NINJ2: variants seen among roughly 807,000 people sequenced by gnomAD.
The protein encoded by NINJ2 is ninjurin 2.
In NINJ2, 12 loss-of-function variants were observed where a neutral mutation model predicts 11.7. The ratio of observed to expected loss-of-function variants is 1.02; its 90% CI spans 0.66 to 1.66. The LOEUF (loss-of-function observed/expected upper bound fraction) is 1.66. NINJ2 is among the 40% of genes most tolerant of loss of function. NINJ2 has a pLI of 0.00. For missense variants in NINJ2, 187 were observed against 181.8 expected (o/e 1.03, Z -0.16); for synonymous variants, 93 against 76.8 (o/e 1.21, Z -1.10).
chr12:647,404 C>G (rs1220907768), intron 1 of NINJ2, among the ~76,000 whole-genome samples: 2 of 152,112 alleles, frequency 1.3e-5, no homozygotes, highest in Non-Finnish European at 2.9e-5. Flanking sequence ...GTGGCATGCA[C>G]ATAGTAGCAC....
intron 1 of NINJ2, chr12:643,434 C>T: frequency 1.0e-6 from 1 of 988,126 alleles, no homozygotes; most frequent in South Asian, 4.7e-5. Flanking sequence ...TCCGCCGCGA[C>T]GCGGCTCACA....
intron 1 of NINJ2, chr12:643,821 A>G: frequency 1.3e-5 from 4 of 309,048 alleles, no homozygotes; most frequent in Non-Finnish European, 1.9e-5. Context: ...ATCTTGAGCT[A>G]CCAGCTCATC....
intron 2 of NINJ2, 95 bp downstream of exon 2, chr12:565,855 T>C (rs1565616000): frequency 9.2e-7 from 1 of 1,081,924 alleles, no homozygotes; most frequent in Non-Finnish European, 1.4e-6. Context: ...CAAAGCTGCC[T>C]GTGCCAATGC....
chr12:642,490 A>ATT (rs1948431905), intron 1 of NINJ2, among the ~76,000 whole-genome samples: 1 of 152,142 alleles, frequency 6.6e-6, no homozygotes, highest in Non-Finnish European at 1.5e-5. Flanking sequence ...GGCCTGCCAA[A>ATT]GTGCTGGAAT....
intron 1 of NINJ2, among the ~76,000 whole-genome samples, chr12:600,521 A>G (rs1428190841): frequency 6.6e-6 from 1 of 152,110 alleles, no homozygotes; most frequent in Non-Finnish European, 1.5e-5. Context: ...GAGCCACTGC[A>G]CTCCAGCCTG....
chr12:569,938 G>A (rs1947353988), intron 1 of NINJ2, among the ~76,000 whole-genome samples: 1 of 152,182 alleles, frequency 6.6e-6, no homozygotes. Context: ...GGTGGCGCGC[G>A]CGGTCCAGAG....
chr12:613,570 T>A (rs556273214), intron 1 of NINJ2, among the ~76,000 whole-genome samples: 19 of 149,874 alleles, frequency 1.3e-4, no homozygotes, highest in Middle Eastern at 3.5e-3. Context: ...GATTGCGACA[T>A]TACACTCCAG....
At chr12:616,831 A>AC (rs1271822855) in intron 1 of NINJ2, among the ~76,000 whole-genome samples, 1 of 152,220 alleles carries the variant, frequency 6.6e-6, no homozygotes, top group East Asian at 1.9e-4. Context: ...TAGTTGAACC[A>AC]ATGAAGGATC....
intron 1 of NINJ2, among the ~76,000 whole-genome samples, chr12:571,436 G>A (rs977831160): frequency 5.3e-4 from 81 of 152,070 alleles, no homozygotes; most frequent in African/African-American, 1.9e-3. Context: ...TGATTGGCAT[G>A]GGATGAGGCA....
chr12:570,152 C>A (rs1373010677), intron 1 of NINJ2, among the ~76,000 whole-genome samples: 1 of 152,190 alleles, frequency 6.6e-6, no homozygotes, highest in South Asian at 2.1e-4. Context: ...ATGGAGCCAG[C>A]GTGGGGTGGG....
intron 1 of NINJ2, among the ~76,000 whole-genome samples, chr12:576,706 G>T (rs571727068): frequency 1.3e-5 from 2 of 152,328 alleles, no homozygotes; most frequent in East Asian, 3.9e-4. Flanking sequence ...GCAAGAGGCC[G>T]TTTTGCCAGT....
intron 1 of NINJ2, among the ~76,000 whole-genome samples, chr12:658,646 T>TTATGCTATGCTATGC (rs141722591): frequency 1.1e-4 from 15 of 130,854 alleles, no homozygotes; most frequent in African/African-American, 4.4e-4. Flanking sequence ...AACTTCTCTA[T>TTATGCTATGCTATGC]TATGCTATGC....
chr12:622,996 A>T (rs1948171749), intron 1 of NINJ2, among the ~76,000 whole-genome samples: 1 of 152,136 alleles, frequency 6.6e-6, no homozygotes. Flanking sequence ...AGTCCCATGG[A>T]ACTTGTAATG....
chr12:598,679 T>C (rs545127971), intron 1 of NINJ2, among the ~76,000 whole-genome samples: 1 of 152,240 alleles, frequency 6.6e-6, no homozygotes, highest in Non-Finnish European at 1.5e-5. Context: ...TCCTGTTTAA[T>C]ATTATTTTCT....
intron 1 of NINJ2, among the ~76,000 whole-genome samples, chr12:574,539 TAAA>T (rs11442110): frequency 1.4e-5 from 2 of 143,378 alleles, no homozygotes; most frequent in Non-Finnish European, 1.5e-5. Context: ...ATCTCAGGAT[TAAA>T]AAAAAAAAAA....
intron 1 of NINJ2, among the ~76,000 whole-genome samples, chr12:570,602 GGAGCA>G (rs1410196571): frequency 2.6e-5 from 4 of 152,228 alleles, no homozygotes; most frequent in Non-Finnish European, 5.9e-5. Flanking sequence ...GCTGGACTGG[GGAGCA>G]GAGCCACCCA....
intron 1 of NINJ2, among the ~76,000 whole-genome samples, chr12:616,355 C>A (rs570764194): frequency 3.2e-4 from 48 of 152,310 alleles, no homozygotes; most frequent in African/African-American, 1.1e-3. Context: ...TGGTTTATAC[C>A]TCATGACTTC....
At chr12:570,813 C>T (rs560591435) in intron 1 of NINJ2, among the ~76,000 whole-genome samples, 1 of 152,320 alleles carries the variant, frequency 6.6e-6, no homozygotes, top group East Asian at 1.9e-4. Context: ...AGCAGGGGAC[C>T]GGTGGGCTAG....
intron 2 of NINJ2, chr12:565,668 GAGCGAGTGAGTGAGTTAGCAGTT>G (rs1194850332): frequency 2.1e-5 from 13 of 612,370 alleles, no homozygotes; most frequent in Non-Finnish European, 3.5e-5. Context: ...GAGAAGCGGT[GAGCGAGTGAGTGAGTTAGCAGTT>G]AGCGAGGTGC....
Sources: gnomAD v4.1 joint callset for allele counts (sites outside exome capture counted in the v4.1 genomes callset) on GRCh38, gnomAD v4.1.1 for gene constraint, MANE v1.5 for transcripts, NCBI Gene and HGNC (gene_info 2026-07-23, HGNC 2026-07-21) for gene names.